Variants in TRPM3 observed in about 807,000 individuals in gnomAD.
TRPM3 encodes long transient receptor potential channel 3.
Under a neutral mutation model 181.2 loss-of-function variants are expected in TRPM3, and 77 were observed. The ratio of observed to expected loss-of-function variants is 0.42; its 90% CI spans 0.35 to 0.51. TRPM3 has a LOEUF of 0.51. Ranked by LOEUF, TRPM3 falls within the 20% of genes least tolerant of loss-of-function variation. The pLI is 0.01. For synonymous variants in TRPM3, 745 were observed against 796.4 expected (o/e 0.94, Z 1.09); for missense variants, 1,759 against 2,196.7 (o/e 0.80, Z 3.98).
At chr9:70,638,987 G>A in intron 11 of TRPM3, 73 bp downstream of exon 11, 4 of 1,514,896 alleles carry the variant, frequency 2.6e-6, no homozygotes, top group Non-Finnish European at 3.6e-6. Flanking sequence ...AGAATCACAG[G>A]CATATGGGGG....
At chr9:70,776,275 G>A in intron 7 of TRPM3, 1 of 523,600 alleles carries the variant, frequency 1.9e-6, no homozygotes, top group Non-Finnish European at 3.4e-6. Flanking sequence ...GGGAGGTTAG[G>A]ACTCTTTAAA....
At chr9:70,799,054 C>A (rs903032126) in intron 6 of TRPM3, among the ~76,000 whole-genome samples, 1 of 152,174 alleles carries the variant, frequency 6.6e-6, no homozygotes, top group African/African-American at 2.4e-5. Flanking sequence ...CAGAATTGAA[C>A]CCAGCTAAAG....
chr9:70,905,473 T>A (rs1485289829), intron 1 of TRPM3, among the ~76,000 whole-genome samples: 1 of 152,156 alleles, frequency 6.6e-6, no homozygotes, highest in Non-Finnish European at 1.5e-5. Context: ...CGACTGAGGG[T>A]GACAGCCTCC....
intron 1 of TRPM3, among the ~76,000 whole-genome samples, chr9:70,879,715 T>G (rs1322646486): frequency 6.6e-6 from 1 of 152,172 alleles, no homozygotes. Flanking sequence ...GATGGAACAT[T>G]CTTTCAGATG....
At chr9:70,618,835 A>G in intron 17 of TRPM3, 32 bp downstream of exon 17, 1 of 1,590,234 alleles carries the variant, frequency 6.3e-7, no homozygotes, top group Non-Finnish European at 8.5e-7. Flanking sequence ...GCCGGTCCTC[A>G]TAGCCAGGAG....
At chr9:70,667,022 A>T (rs1462962854) in intron 9 of TRPM3, among the ~76,000 whole-genome samples, 1 of 150,568 alleles carries the variant, frequency 6.6e-6, no homozygotes, top group East Asian at 2.0e-4. Flanking sequence ...ATTTTCTTTG[A>T]TTTCTCTGAG....
rs1176148442 is a variant in TRPM3 at position 70,532,563 on chromosome 9, A to AGG, written c.*3388_*3389dup. On this transcript the variant is annotated 3_prime_UTR_variant, in exon 26 of 26. Transcript: ENST00000677713. ...AGCTCCTCATTCAAATCTATCAAGG[A>AGG]GGGGCCCTCTAACTATAAATATAAA... The AGG allele has an allele frequency of 6.6e-6, 1 of 152,190 alleles. No homozygotes were observed. Among genetic ancestry groups the AGG allele is most frequent in the Non-Finnish European group, 1.5e-5 (1 of 68,028 alleles). 9.4% of individuals were successfully genotyped at this position (152,190 alleles called of 1,614,324 possible).
intron 1 of TRPM3, among the ~76,000 whole-genome samples, chr9:71,225,047 G>A (rs2080503547): frequency 6.6e-6 from 1 of 151,890 alleles, no homozygotes; most frequent in Non-Finnish European, 1.5e-5. Flanking sequence ...TTATGTAAAG[G>A]GATAACAACA....
At chr9:70,547,231 T>A (rs1217418500) in intron 25 of TRPM3, among the ~76,000 whole-genome samples, 2 of 152,174 alleles carry the variant, frequency 1.3e-5, no homozygotes, top group Non-Finnish European at 2.9e-5. Flanking sequence ...CTGTATAGAA[T>A]ATACACAGCT....
intron 8 of TRPM3, among the ~76,000 whole-genome samples, chr9:70,701,325 G>A (rs1282675917): frequency 6.6e-6 from 1 of 152,082 alleles, no homozygotes; most frequent in Non-Finnish European, 1.5e-5. Flanking sequence ...CTGCTCACAG[G>A]GAGAGTTCAC....
intron 1 of TRPM3, among the ~76,000 whole-genome samples, chr9:71,336,797 C>A (rs959216905): frequency 2.8e-4 from 42 of 152,090 alleles, no homozygotes; most frequent in African/African-American, 9.7e-4. Flanking sequence ...GAAATAACAC[C>A]ATACATCTAT....
intron 1 of TRPM3, among the ~76,000 whole-genome samples, chr9:71,001,100 G>A (rs533177716): frequency 4.6e-5 from 7 of 152,202 alleles, no homozygotes; most frequent in African/African-American, 1.7e-4. Flanking sequence ...TTGTTCAAGT[G>A]GTAGTTCATG....
intron 6 of TRPM3, among the ~76,000 whole-genome samples, chr9:70,797,089 C>T (rs1178177529): frequency 1.3e-5 from 2 of 152,234 alleles, no homozygotes; most frequent in Middle Eastern, 6.8e-3. Context: ...GTGATTGTGC[C>T]ACTGTGCTTC....
intron 6 of TRPM3, among the ~76,000 whole-genome samples, chr9:70,786,763 G>A (rs1409725265): frequency 1.1e-4 from 17 of 152,030 alleles, no homozygotes; most frequent in African/African-American, 3.9e-4. Context: ...CTATGTCATT[G>A]ACTTTGTATT....
chr9:71,125,965 C>A (rs149814268), upstream of TRPM3, among the ~76,000 whole-genome samples: 100 of 152,268 alleles, frequency 6.6e-4, no homozygotes, highest in African/African-American at 2.2e-3. Flanking sequence ...TTTTTGCAAT[C>A]TATCCATCTG....
At chr9:71,174,408 G>A (rs778709712) in intron 1 of TRPM3, among the ~76,000 whole-genome samples, 14 of 152,056 alleles carry the variant, frequency 9.2e-5, no homozygotes, top group Non-Finnish European at 1.9e-4. Flanking sequence ...CAGGTGTAGT[G>A]GTAGGTGCCT....
Position 70,974,907 on chromosome 9 carries a change from G to A in TRPM3, c.178-110396C>T, listed in dbSNP as rs1375841619. ...TTGAGGTAGAGTCTTGCTCTGTCAC[G>A]CCCAGGCTGGAGTGCAGTGGCGTGA... On this transcript the variant is annotated intron_variant, in intron 1 of 25. Transcript: ENST00000677713. 2.5e-5 allele frequency among the ~76,000 whole-genome samples: 3 copies of A among 120,528 alleles called. 1 individual carries two copies. The highest frequency in any genetic ancestry group is 9.3e-5 in the African/African-American group (3 of 32,110). 79.1% of individuals were successfully genotyped at this position (120,528 alleles called of 152,430 possible). A position where few individuals can be genotyped will look rare whatever the true frequency, so the allele number is the denominator to read the frequency against.
chr9:71,137,393 C>T (rs2074833290), intron 1 of TRPM3, among the ~76,000 whole-genome samples: 1 of 152,108 alleles, frequency 6.6e-6, no homozygotes, highest in Admixed American at 6.6e-5. Flanking sequence ...AACAAATTAA[C>T]TTAAGTACGT....
chr9:70,751,999 A>AGTGTGTGTGTGTGTGT (rs71507124), intron 8 of TRPM3, among the ~76,000 whole-genome samples: 2 of 104,494 alleles, frequency 1.9e-5, no homozygotes, highest in Admixed American at 9.3e-5. Flanking sequence ...ACATCTCAAC[A>AGTGTGTGTGTGTGTGT]GTGTGTGTGT....
Sources: allele counts gnomAD v4.1 joint callset (sites outside exome capture counted in the v4.1 genomes callset), GRCh38; gene constraint gnomAD v4.1.1; transcripts MANE v1.5; gene names NCBI Gene and HGNC (gene_info 2026-07-23, HGNC 2026-07-21).